Variants in DPP9 observed in about 807,000 individuals in gnomAD.
DPP9 encodes the protein dipeptidyl peptidase 9.
A neutral mutation model predicts 110.7 loss-of-function variants in DPP9; 50 were observed. The observed-to-expected ratio is 0.45, with a 90% CI of 0.36 to 0.57. The LOEUF (loss-of-function observed/expected upper bound fraction) is 0.57, where lower values mean the gene tolerates loss of function less well. DPP9 is among the 20% of genes least tolerant of loss of function. The pLI is 0.00. For missense variants in DPP9, 1,022 were observed against 1,217.9 expected, an observed-to-expected ratio of 0.84 and a Z score of 2.39; for synonymous variants, 561 against 514.4, an observed-to-expected ratio of 1.09 and a Z score of -1.23.
chr19:4,715,080 C>A (rs113929457), intron 3 of DPP9, among the ~76,000 whole-genome samples: 1 of 117,088 alleles, frequency 8.5e-6, no homozygotes, highest in Non-Finnish European at 1.6e-5. Context: ...AGTGCAGTGG[C>A]GTGATCTCAG....
Position 4,675,295 on chromosome 19 carries a change from G to C in DPP9, c.*1269C>G, listed in dbSNP as rs1044286224. ...GCATAATTATAAAAGAATAAGAATCGACAAAAATATTTTCTTTCCATAATA... is the reference window on the plus strand; with the variant it reads ...GCATAATTATAAAAGAATAAGAATCCACAAAAATATTTTCTTTCCATAATA... On this transcript the variant is annotated 3_prime_UTR_variant, in exon 22 of 22. Transcript: ENST00000262960. 6.6e-6 allele frequency: 1 copy of C among 151,122 alleles called. No individual in the cohort carries two copies. The highest frequency in any genetic ancestry group is 2.4e-5 in the African/African-American group (1 of 41,018). The allele number at this position is 151,122 out of a possible 1,614,324, so 9.4% of individuals were successfully genotyped here. A position where few individuals can be genotyped will look rare whatever the true frequency, so the allele number is the denominator to read the frequency against.
At chr19:4,691,993 G>T (rs1478488548) in intron 13 of DPP9, among the ~76,000 whole-genome samples, 1 of 151,832 alleles carries the variant, frequency 6.6e-6, no homozygotes, top group Non-Finnish European at 1.5e-5. Context: ...TTTTTGTGGG[G>T]GCGAGGGGGT....
In DPP9 at chr19:4,700,893, C is replaced by G. The variant is rs1459734642; in HGVS notation, c.1013-616G>C. Among the ~76,000 whole-genome samples, 1 of 152,190 alleles carries G rather than the reference C, an allele frequency of 6.6e-6. No homozygotes were observed. The highest frequency in any genetic ancestry group is 1.9e-4 in the East Asian group (1 of 5,196). The stretch of plus-strand genomic sequence containing the variant: ...AGAAACTCAACTCCAGCCCTCGTGG[C>G]TCTGGCCTCCAGGGCAGGTGACATC... On this transcript the variant is annotated intron_variant, in intron 9 of 21. Transcript: ENST00000262960. The surrounding 1 kb of genome is among the most constrained non-coding windows in gnomAD (Gnocchi z 4.3).
In DPP9 at chr19:4,684,666, T is replaced by C. The variant is rs2090422891; in HGVS notation, c.2175A>G (p.Gln725=). ...AGCAACAGGGAGGAGTTGTTACCAT[T>C]TGGTTTTTCAGGGCCCCTTCGAACC... ...GLRFEGALKN[Q]MGQVEIEDQV... Residue 725 remains glutamine, a synonymous_variant, in exon 18 of 22, where the codon CAA becomes CAG. Transcript: ENST00000262960. This position sits in a 1 kb window ranked among gnomAD's most constrained non-coding sequence, Gnocchi z 4.8. 1 of 1,613,000 alleles carries C rather than the reference T, an allele frequency of 6.2e-7. No individual in the cohort carries two copies. The highest frequency in any genetic ancestry group is 8.5e-7 in the Non-Finnish European group (1 of 1,179,658).
intron 10 of DPP9, among the ~76,000 whole-genome samples, chr19:4,699,311 C>T (rs897487854): frequency 1.3e-5 from 2 of 152,018 alleles, no homozygotes; most frequent in Admixed American, 6.6e-5. Flanking sequence ...TTTCTCTGGA[C>T]GCCTGGTGTC....
chr19:4,714,127 C>T lies in DPP9; in HGVS notation c.267G>A (p.Gln89=), dbSNP rs756094299. 2 of 1,613,522 alleles carry T rather than the reference C, an allele frequency of 1.2e-6. No individual in the cohort carries two copies. The highest frequency in any genetic ancestry group is 3.3e-5 in the Admixed American group (2 of 60,004). The change falls in exon 4 of 22, where the codon CAG becomes CAA. Residue 89 remains glutamine (Q), a synonymous_variant. Coordinates refer to ENST00000262960, the MANE Select transcript of DPP9 (RefSeq NM_139159.5). The part of the protein sequence containing the change: ...NKAPHDFQFV[Q]KTDESGPHSH... ...AGTGGGGCCCAGACTCATCCGTCTTCTGCACAAACTGGAAGTCGTGGGGCG... is the reference window on the plus strand; with the variant it reads ...AGTGGGGCCCAGACTCATCCGTCTTTTGCACAAACTGGAAGTCGTGGGGCG...
At position 4,685,497 on chromosome 19, in the gene DPP9, G is replaced by T; in HGVS notation, c.2031+129C>A. ...TGTGTAGTCAGGGCAGGCGGGGTGG[G>T]CTGGGGCACCAGGCAGGTAGCCGGG... On this transcript the variant is annotated intron_variant, in intron 17 of 21. Coordinates refer to ENST00000262960, the MANE Select transcript of DPP9 (RefSeq NM_139159.5). The surrounding 1 kb of genome is among the most constrained non-coding windows in gnomAD (Gnocchi z 5.8). 1 of 1,077,304 alleles carries T rather than the reference G, an allele frequency of 9.3e-7. No homozygotes were observed. The highest frequency in any genetic ancestry group is 1.3e-6 in the Non-Finnish European group (1 of 742,854). 66.7% of individuals were successfully genotyped at this position (1,077,304 alleles called of 1,614,324 possible). A position where few individuals can be genotyped will look rare whatever the true frequency, so the allele number is the denominator to read the frequency against.
In DPP9 at chr19:4,710,580, C is replaced by T. The variant is rs1328606735; in HGVS notation, c.313+3501G>A. ...CTGAAAGAGCCTTTCCGGAGGGGCC[C>T]AGTGATTAGCTCCACATGCCCCACA... is the stretch of plus-strand genomic sequence containing the variant. On this transcript the variant is annotated intron_variant, in intron 4 of 21. Transcript: ENST00000262960. The surrounding 1 kb of genome is among the most constrained non-coding windows in gnomAD (Gnocchi z 5.6). Among the ~76,000 whole-genome samples, 1 of 152,198 alleles carries T rather than the reference C, an allele frequency of 6.6e-6. No individual in the cohort carries two copies. The highest frequency in any genetic ancestry group is 2.4e-5 in the African/African-American group (1 of 41,442).
chr19:4,692,516 G>T (rs1183663231), intron 13 of DPP9, among the ~76,000 whole-genome samples: 1 of 152,090 alleles, frequency 6.6e-6, no homozygotes. Context: ...ATGTCACTTG[G>T]GGTCACCTCC....
chr19:4,704,010 C>T lies in DPP9; in HGVS notation c.645G>A (p.Gly215=). Residue 215 remains glycine (G), a synonymous_variant, in exon 7 of 22, where the codon GGG becomes GGA. Transcript: ENST00000262960. The surrounding 1 kb of genome is among the most constrained non-coding windows in gnomAD (Gnocchi z 6.0). ...GGCAGATTTTGGGGTCCATCCGGGG[C>T]CCTGAGCACTGGGTCTTGATTTCCA... ...KPLEIKTQCS[G]PRMDPKICPA... The T allele has an allele frequency of 6.2e-7, 1 of 1,614,030 alleles. No homozygotes were observed. Among genetic ancestry groups the T allele is most frequent in the Non-Finnish European group, 8.5e-7 (1 of 1,179,886 alleles).
At chr19:4,705,566 G>T (rs1026077127) in intron 5 of DPP9, among the ~76,000 whole-genome samples, 2 of 152,266 alleles carry the variant, frequency 1.3e-5, no homozygotes, top group Non-Finnish European at 2.9e-5. Context: ...CACTGGATGA[G>T]ATTGATGATT....
Position 4,689,849 on chromosome 19 carries a change from C to T in DPP9, c.1597-127G>A. ...GGACGCATGCTGTCCTCGCCCAAGT[C>T]TGGCTTTAGGGCTGGAGATGAACCA... On this transcript the variant is annotated intron_variant, in intron 14 of 21. Transcript: ENST00000262960. This position sits in a 1 kb window ranked among gnomAD's most constrained non-coding sequence, Gnocchi z 7.0. 2 of 1,084,020 alleles carry T rather than the reference C, an allele frequency of 1.8e-6. No homozygotes were observed. Among genetic ancestry groups the T allele is most frequent in the Non-Finnish European group, 2.6e-6 (2 of 782,168 alleles). 67.2% of individuals were successfully genotyped at this position (1,084,020 alleles called of 1,614,324 possible).
Position 4,713,335 on chromosome 19 carries a change from G to A in DPP9, c.313+746C>T, listed in dbSNP as rs150973532. On this transcript the variant is annotated intron_variant, in intron 4 of 21. Coordinates refer to ENST00000262960, the MANE Select transcript of DPP9 (RefSeq NM_139159.5). ...AGTGGGCACCATCCGAATATCCGCTGCCCACCTCACGGGAGCCAGGCCCAC... is the reference window on the plus strand; with the variant it reads ...AGTGGGCACCATCCGAATATCCGCTACCCACCTCACGGGAGCCAGGCCCAC... 8.5e-5 allele frequency among the ~76,000 whole-genome samples: 13 copies of A among 152,342 alleles called. No individual in the cohort carries two copies. The South Asian group carries it at 2.1e-3, about 24-fold the overall frequency.
chr19:4,679,048 G>C (rs939323574), intron 21 of DPP9, among the ~76,000 whole-genome samples: 48 of 127,520 alleles, frequency 3.8e-4, no homozygotes, highest in African/African-American at 1.4e-3. Flanking sequence ...TATAGCAGAA[G>C]CTCCACCCTG....
chr19:4,696,731 G>T (rs2091832901), intron 11 of DPP9, among the ~76,000 whole-genome samples: 1 of 151,658 alleles, frequency 6.6e-6, no homozygotes, highest in Admixed American at 6.6e-5. Context: ...CCTGGTGACA[G>T]GGCAAGACTC....
At position 4,694,357 on chromosome 19, in the gene DPP9, T is replaced by C. The variant is rs1448028060; in HGVS notation, c.1516+304A>G. Reference sequence around the variant, plus strand: ...GGCTCAGTGCCAATAAAACTTTATTTATGAACACAGGTGGTGGGCCGGATT... The same window carrying C: ...GGCTCAGTGCCAATAAAACTTTATTCATGAACACAGGTGGTGGGCCGGATT... On this transcript the variant is annotated intron_variant, in intron 13 of 21. Transcript: ENST00000262960. This position sits in a 1 kb window ranked among gnomAD's most constrained non-coding sequence, Gnocchi z 4.0. 4 of 500,156 alleles carry C rather than the reference T, an allele frequency of 8.0e-6. No homozygotes were observed. The highest frequency in any genetic ancestry group is 7.8e-5 in the African/African-American group (4 of 51,338). The allele number at this position is 500,156 out of a possible 1,614,324, so 31.0% of individuals were successfully genotyped here. A position where few individuals can be genotyped will look rare whatever the true frequency, so the allele number is the denominator to read the frequency against.
At chr19:4,707,435 C>G (rs976449620) in intron 4 of DPP9, among the ~76,000 whole-genome samples, 1 of 152,052 alleles carries the variant, frequency 6.6e-6, no homozygotes, top group Non-Finnish European at 1.5e-5. Context: ...AAAACCGGGA[C>G]AGGGCTCCTC....
intron 4 of DPP9, among the ~76,000 whole-genome samples, chr19:4,708,076 C>A (rs1477113496): frequency 7.2e-5 from 11 of 152,192 alleles, no homozygotes; most frequent in African/African-American, 2.4e-4. Context: ...TGTGTCCTGA[C>A]TGAAAATCAC....
chr19:4,711,986 T>C (rs983285415), intron 4 of DPP9, among the ~76,000 whole-genome samples: 1 of 152,026 alleles, frequency 6.6e-6, no homozygotes, highest in Admixed American at 6.6e-5. Context: ...TGAGGAAACC[T>C]TGATCTTGGA....
Sources: gnomAD v4.1 joint callset for allele counts (sites outside exome capture counted in the v4.1 genomes callset) on GRCh38, gnomAD v4.1.1 for gene constraint, Gnocchi (gnomAD v3.1) non-coding constraint, MANE v1.5 for transcripts, NCBI Gene and HGNC (gene_info 2026-07-23, HGNC 2026-07-21) for gene names.